PPIP5K2: variants seen among roughly 807,000 people sequenced by gnomAD.
PPIP5K2 encodes the protein inositol hexakisphosphate and diphosphoinositol-pentakisphosphate kinase 2.
PPIP5K2 carries 105 observed loss-of-function variants against 154.6 expected under a neutral mutation model. That is an observed-to-expected ratio of 0.68 (90% CI 0.58 to 0.80). The LOEUF (loss-of-function observed/expected upper bound fraction) is 0.80, where lower values mean the gene tolerates loss of function less well. Among genes scored for constraint, PPIP5K2 ranks in the 30% least tolerant of loss-of-function variants. The pLI, the probability that PPIP5K2 is intolerant of heterozygous loss-of-function variation, is 0.00. For missense variants in PPIP5K2, 992 were observed against 1,504.6 expected, an observed-to-expected ratio of 0.66 and a Z score of 5.64; for synonymous variants, 480 against 490.3, an observed-to-expected ratio of 0.98 and a Z score of 0.28.
chr5:103,136,310 C>G (rs532591145), intron 3 of PPIP5K2, among the ~76,000 whole-genome samples: 2 of 152,206 alleles, frequency 1.3e-5, no homozygotes, highest in Admixed American at 1.3e-4. Flanking sequence ...TGAATATCAG[C>G]TAATTTATGT....
chr5:103,173,976 A>G lies in PPIP5K2; in HGVS notation c.2529+4A>G. ...TCGCTATGGTGCCTTATGCAATGTA[A>G]GTAGAATAAGTTATTTCAGTCTAAC... On this transcript the variant is annotated splice_donor_region_variant and intron_variant, in intron 21 of 30. Transcript: ENST00000358359. 6.6e-7 allele frequency: 1 copy of G among 1,526,558 alleles called. No homozygotes were observed. The highest frequency in any genetic ancestry group is 9.0e-7 in the Non-Finnish European group (1 of 1,110,888). 94.6% of individuals were successfully genotyped at this position (1,526,558 alleles called of 1,614,324 possible). A position where few individuals can be genotyped will look rare whatever the true frequency, so the allele number is the denominator to read the frequency against.
chr5:103,181,396 C>T (rs184591546), intron 24 of PPIP5K2, among the ~76,000 whole-genome samples: 119 of 151,856 alleles, frequency 7.8e-4, no homozygotes, highest in African/African-American at 2.8e-3. Flanking sequence ...GGTGAAACCC[C>T]GTCTCTACTA....
chr5:103,198,457 G>T (rs1415502054), intron 30 of PPIP5K2, among the ~76,000 whole-genome samples: 1 of 152,098 alleles, frequency 6.6e-6, no homozygotes, highest in Non-Finnish European at 1.5e-5. Context: ...TTGGCAGAGG[G>T]GTGTTCAAGG....
At position 103,129,744 on chromosome 5, in the gene PPIP5K2, C is replaced by T. The variant is rs782609066; in HGVS notation, c.114+41C>T. On this transcript the variant is annotated intron_variant, in intron 2 of 30. Coordinates refer to ENST00000358359, the MANE Select transcript of PPIP5K2 (RefSeq NM_001276277.3). Reference sequence around the variant, plus strand: ...TTCCTTTGGCGAGAGAAGACCAATACAGTATAGGCTTTTTACTAATCACTG... The same window carrying T: ...TTCCTTTGGCGAGAGAAGACCAATATAGTATAGGCTTTTTACTAATCACTG... 7 of 1,525,986 alleles carry T rather than the reference C, an allele frequency of 4.6e-6. No individual in the cohort carries two copies. In the Admixed American group the frequency reaches 1.4e-4, roughly 31 times the overall value. 94.5% of individuals were successfully genotyped at this position (1,525,986 alleles called of 1,614,324 possible). A position where few individuals can be genotyped will look rare whatever the true frequency, so the allele number is the denominator to read the frequency against.
At chr5:103,155,244 T>C (rs988649665) in intron 13 of PPIP5K2, among the ~76,000 whole-genome samples, 73 of 151,962 alleles carry the variant, frequency 4.8e-4, no homozygotes, top group African/African-American at 1.7e-3. Flanking sequence ...AGTTTAAATA[T>C]AAAAAATTTG....
chr5:103,194,724 C>T, intron 29 of PPIP5K2, 176 bp from the exon 30 acceptor site: 1 of 592,388 alleles, frequency 1.7e-6, no homozygotes, highest in South Asian at 2.3e-5. Context: ...TGTCTAAGGC[C>T]ATAACAGAAC....
chr5:103,141,302 TTC>T (rs1562391409), intron 5 of PPIP5K2, among the ~76,000 whole-genome samples: 11 of 152,072 alleles, frequency 7.2e-5, no homozygotes, highest in Admixed American at 3.9e-4. Flanking sequence ...TTGGAGTTTC[TTC>T]CTTCTGGTGG....
At chr5:103,140,836 C>CA (rs34150862) in intron 5 of PPIP5K2, among the ~76,000 whole-genome samples, 1,269 of 87,728 alleles carry the variant, frequency 0.014, 9 homozygotes, top group South Asian at 0.028. Flanking sequence ...GACTCCGTCT[C>CA]AAAAAAAAAA....
In PPIP5K2 at chr5:103,210,718, C is replaced by T. The variant is rs1554232540; in HGVS notation, c.*9084C>T. On this transcript the variant is annotated 3_prime_UTR_variant, in exon 31 of 31. Transcript: ENST00000358359. Reference sequence around the variant, plus strand: ...ATCATGCTCTGTTGTTCCCTGGATGCTCTTTTGAGGAATTTACTTGGTTAA... The same window carrying T: ...ATCATGCTCTGTTGTTCCCTGGATGTTCTTTTGAGGAATTTACTTGGTTAA... 6.6e-6 allele frequency: 1 copy of T among 151,956 alleles called. No homozygotes were observed. The highest frequency in any genetic ancestry group is 1.9e-4 in the East Asian group (1 of 5,190). 9.4% of individuals were successfully genotyped at this position (151,956 alleles called of 1,614,324 possible). A position where few individuals can be genotyped will look rare whatever the true frequency, so the allele number is the denominator to read the frequency against.
At chr5:103,192,047 A>G (rs1278523263) in intron 29 of PPIP5K2, among the ~76,000 whole-genome samples, 1 of 151,972 alleles carries the variant, frequency 6.6e-6, no homozygotes. Flanking sequence ...AGAGAGCTCT[A>G]TTCTCTTTAT....
chr5:103,132,084 T>C (rs1261047826), intron 2 of PPIP5K2, among the ~76,000 whole-genome samples: 4 of 152,156 alleles, frequency 2.6e-5, no homozygotes, highest in African/African-American at 9.7e-5. Context: ...AAGCATTGAA[T>C]AAGGGCATAT....
At chr5:103,151,227 T>C (rs952527094) in intron 8 of PPIP5K2, 26 bp from the exon 9 acceptor site, 2 of 1,558,730 alleles carry the variant, frequency 1.3e-6, no homozygotes, top group Non-Finnish European at 1.7e-6. Context: ...AATAAAACCT[T>C]AAAGTTTATA....
At chr5:103,169,743 T>C (rs79766593) in intron 19 of PPIP5K2, among the ~76,000 whole-genome samples, 2,548 of 151,842 alleles carry the variant, frequency 0.017, 36 homozygotes, top group African/African-American at 0.035. Context: ...ACTCATTCCC[T>C]GACAATTTCT....
chr5:103,202,956 AT>A lies in PPIP5K2; in HGVS notation c.*1323del, dbSNP rs1322361704. On this transcript the variant is annotated 3_prime_UTR_variant, in exon 31 of 31. Transcript: ENST00000358359. Reference sequence around the variant, plus strand: ...TAAATAGTCATATATTAATTAACTTATAGGAAATAAGCATACTATATGTTAG... The same window carrying A: ...TAAATAGTCATATATTAATTAACTTAAGGAAATAAGCATACTATATGTTAG... 2 of 152,618 alleles carry A rather than the reference AT, an allele frequency of 1.3e-5. No individual in the cohort carries two copies. Among genetic ancestry groups the A allele is most frequent in the Admixed American group, 6.5e-5 (1 of 15,272 alleles). The allele number at this position is 152,618 out of a possible 1,614,324, so 9.5% of individuals were successfully genotyped here. A position where few individuals can be genotyped will look rare whatever the true frequency, so the allele number is the denominator to read the frequency against.
At chr5:103,195,719 A>G (rs1310774676) in intron 30 of PPIP5K2, among the ~76,000 whole-genome samples, 1 of 152,178 alleles carries the variant, frequency 6.6e-6, no homozygotes, top group Admixed American at 6.5e-5. Context: ...CCAGACAAGA[A>G]CATGATACTC....
intron 25 of PPIP5K2, 52 bp from the exon 26 acceptor site, chr5:103,184,620 T>G: frequency 7.1e-7 from 1 of 1,403,392 alleles, no homozygotes; most frequent in East Asian, 2.3e-5. Context: ...AAGTATAGAC[T>G]TATGAATTTA....
chr5:103,140,033 G>T (rs1370726640), intron 5 of PPIP5K2, among the ~76,000 whole-genome samples: 17 of 152,038 alleles, frequency 1.1e-4, no homozygotes, highest in African/African-American at 4.1e-4. Flanking sequence ...AGACCTGAGA[G>T]AGGAGCTTGA....
At chr5:103,183,933 T>C (rs1799965284) in intron 25 of PPIP5K2, among the ~76,000 whole-genome samples, 5 of 152,190 alleles carry the variant, frequency 3.3e-5, no homozygotes, top group Admixed American at 3.3e-4. Context: ...ATTCCATTAT[T>C]TGGAAGTATC....
At chr5:103,199,773 T>A (rs1802682764) in intron 30 of PPIP5K2, among the ~76,000 whole-genome samples, 2 of 152,192 alleles carry the variant, frequency 1.3e-5, no homozygotes, top group South Asian at 4.1e-4. Flanking sequence ...TTCAGATATT[T>A]ATTCTTTTAG....
Sources: gnomAD v4.1 joint callset for allele counts (sites outside exome capture counted in the v4.1 genomes callset) on GRCh38, gnomAD v4.1.1 for gene constraint, MANE v1.5 for transcripts, NCBI Gene and HGNC (gene_info 2026-07-23, HGNC 2026-07-21) for gene names.